RPTOR: variants seen among roughly 807,000 people sequenced by gnomAD.
RPTOR encodes regulatory associated protein of MTOR complex 1, also known as regulatory-associated protein of mTOR.
In RPTOR, 21 loss-of-function variants were observed where a neutral mutation model predicts 169.9. That is an observed-to-expected ratio of 0.12 (90% CI 0.09 to 0.18). RPTOR has a LOEUF of 0.18. Ranked by LOEUF, RPTOR falls within the 10% of genes least tolerant of loss-of-function variation. The probability of loss-of-function intolerance (pLI) is 1.00; values close to 1 mark genes in which losing one functional copy is unlikely to be tolerated. For missense variants in RPTOR, 1,133 were observed against 1,855.9 expected, an observed-to-expected ratio of 0.61 and a Z score of 7.16; for synonymous variants, 732 against 753.2, an observed-to-expected ratio of 0.97 and a Z score of 0.46.
intron 1 of RPTOR, among the ~76,000 whole-genome samples, chr17:80,571,952 G>T (rs776790978): frequency 6.6e-6 from 1 of 152,208 alleles, no homozygotes; most frequent in South Asian, 2.1e-4. Context: ...TAGGTATGCT[G>T]TAGGGATAGA....
intron 4 of RPTOR, among the ~76,000 whole-genome samples, chr17:80,718,301 C>T (rs1598252767): frequency 6.6e-6 from 1 of 152,190 alleles, no homozygotes; most frequent in Non-Finnish European, 1.5e-5. Context: ...AACCCCTACC[C>T]TCTGCCAAAA....
intron 2 of RPTOR, among the ~76,000 whole-genome samples, chr17:80,632,416 T>C (rs775724345): frequency 4.6e-5 from 7 of 152,220 alleles, no homozygotes; most frequent in Non-Finnish European, 1.0e-4. Flanking sequence ...CCTGAGCTTT[T>C]ATCAGAGCTC....
intron 7 of RPTOR, among the ~76,000 whole-genome samples, chr17:80,816,981 C>T (rs1346683549): frequency 2.0e-5 from 3 of 152,190 alleles, no homozygotes; most frequent in East Asian, 1.9e-4. Context: ...GAAGACACAC[C>T]CTCATAGAGC....
rs149083794 is a variant in RPTOR, at chr17:80,874,417, C to T, written c.1510-5998C>T. On this transcript the variant is annotated intron_variant, in intron 13 of 33. Coordinates refer to ENST00000306801, the MANE Select transcript of RPTOR (RefSeq NM_020761.3). ...TCACCGTGTTAGCCAGGATGGTCTCCGTCTCTTAACCTCATGATCCACCCG... is the reference window on the plus strand; with the variant it reads ...TCACCGTGTTAGCCAGGATGGTCTCTGTCTCTTAACCTCATGATCCACCCG... Among the ~76,000 whole-genome samples, 385 of 152,154 alleles carry T rather than the reference C, an allele frequency of 2.5e-3. 1 individual carries two copies. Among genetic ancestry groups the T allele is most frequent in the African/African-American group, 8.9e-3 (368 of 41,484 alleles).
chr17:80,719,694 C>G (rs1042069598), intron 4 of RPTOR, among the ~76,000 whole-genome samples: 1 of 152,148 alleles, frequency 6.6e-6, no homozygotes, highest in Non-Finnish European at 1.5e-5. Flanking sequence ...CATCCAGAAG[C>G]AGGGGGTCGT....
At position 80,852,002 on chromosome 17, in the gene RPTOR, C is replaced by G. The variant is rs571867683; in HGVS notation, c.1315-3462C>G. Among the ~76,000 whole-genome samples, 19 of 152,308 alleles carry G rather than the reference C, an allele frequency of 1.2e-4. No individual in the cohort carries two copies. In the South Asian group the frequency reaches 2.7e-3, roughly 22 times the overall value. Reference sequence around the variant, plus strand: ...ACGATTGCAGCCATGGCGAGACCTGCCTCCTCTCCTCTCCCTGGGTCATCT... The same window carrying G: ...ACGATTGCAGCCATGGCGAGACCTGGCTCCTCTCCTCTCCCTGGGTCATCT... On this transcript the variant is annotated intron_variant, in intron 11 of 33. Transcript: ENST00000306801.
At chr17:80,793,522 G>A (rs763223582) in intron 7 of RPTOR, among the ~76,000 whole-genome samples, 1 of 152,008 alleles carries the variant, frequency 6.6e-6, no homozygotes, top group Non-Finnish European at 1.5e-5. Context: ...TTTCTCCTCC[G>A]CCTGGTAGCA....
intron 6 of RPTOR, among the ~76,000 whole-genome samples, chr17:80,767,721 A>C (rs2066801805): frequency 1.3e-5 from 2 of 152,208 alleles, no homozygotes; most frequent in Admixed American, 1.3e-4. Flanking sequence ...TGTAATTAGT[A>C]ATGGTAAAAG....
At chr17:80,954,543 G>A (rs745973514) in intron 28 of RPTOR, among the ~76,000 whole-genome samples, 1 of 152,254 alleles carries the variant, frequency 6.6e-6, no homozygotes, top group Non-Finnish European at 1.5e-5. Context: ...GGGATCACAG[G>A]TGTAAACACA....
intron 1 of RPTOR, among the ~76,000 whole-genome samples, chr17:80,587,572 A>C (rs1018805826): frequency 9.2e-5 from 14 of 151,600 alleles, no homozygotes; most frequent in African/African-American, 3.4e-4. Flanking sequence ...GCTGCACCAC[A>C]CTCCGGCCCA....
chr17:80,835,690 T>C (rs2067555764), intron 9 of RPTOR, among the ~76,000 whole-genome samples: 1 of 152,228 alleles, frequency 6.6e-6, no homozygotes. Flanking sequence ...CGCTTCAGGC[T>C]GTGTGTGTAA....
At chr17:80,572,235 C>G (rs543121250) in intron 1 of RPTOR, among the ~76,000 whole-genome samples, 2 of 152,118 alleles carry the variant, frequency 1.3e-5, no homozygotes, top group Non-Finnish European at 2.9e-5. Context: ...GTAGCCAGGA[C>G]TACAGGCAGG....
chr17:80,947,227 C>G lies in RPTOR; in HGVS notation c.3141C>G (p.Cys1047Trp). 1 of 1,590,444 alleles carries G rather than the reference C, an allele frequency of 6.3e-7. No homozygotes were observed. The highest frequency in any genetic ancestry group is 8.5e-7 in the Non-Finnish European group (1 of 1,171,520). The change falls in exon 27 of 34, where the codon TGC (cysteine) becomes TGG (tryptophan). Residue 1047 changes from cysteine to tryptophan, a missense_variant and splice_region_variant. By Grantham distance (215) the Cys-to-Trp change is radical. Around this residue, in one of 9 missense-constraint regions of RPTOR, gnomAD observed 410 missense variants for 623.7 expected, o/e 0.66. Coordinates refer to ENST00000306801, the MANE Select transcript of RPTOR (RefSeq NM_020761.3). The surrounding 1 kb of genome is among the most constrained non-coding windows in gnomAD (Gnocchi z 4.4). ...TTTATTCCTCTCTTCTTCCCTTAAGCTTTTGGGACTGGGAGAAAGGGGAGA... is the reference window on the plus strand; with the variant it reads ...TTTATTCCTCTCTTCTTCCCTTAAGGTTTTGGGACTGGGAGAAAGGGGAGA... ...CIAVADKDSI[C>W]FWDWEKGEKL...
chr17:80,575,342 T>C (rs1250152040), intron 1 of RPTOR, among the ~76,000 whole-genome samples: 3 of 152,246 alleles, frequency 2.0e-5, no homozygotes, highest in South Asian at 4.1e-4. Flanking sequence ...TAAATTTTAT[T>C]TTGACTTGAT....
intron 25 of RPTOR, among the ~76,000 whole-genome samples, chr17:80,943,685 G>C (rs535929638): frequency 2.6e-5 from 4 of 151,938 alleles, no homozygotes; most frequent in Non-Finnish European, 1.5e-5. Flanking sequence ...GAAGACTGGA[G>C]GCGGGCAACG....
At chr17:80,641,770 C>T (rs1034823903) in intron 2 of RPTOR, among the ~76,000 whole-genome samples, 4 of 152,132 alleles carry the variant, frequency 2.6e-5, no homozygotes, top group Non-Finnish European at 4.4e-5. Context: ...AATTGGCTGA[C>T]GGAGGGTCCT....
intron 1 of RPTOR, among the ~76,000 whole-genome samples, chr17:80,549,364 C>T (rs901254768): frequency 6.6e-6 from 1 of 152,028 alleles, no homozygotes; most frequent in African/African-American, 2.4e-5. Context: ...ATATATCTCC[C>T]CTATTTGTGT....
At chr17:80,668,706 T>TGAGTATAGGTG (rs2065799483) in intron 3 of RPTOR, among the ~76,000 whole-genome samples, 2 of 152,326 alleles carry the variant, frequency 1.3e-5, no homozygotes, top group South Asian at 4.1e-4. Flanking sequence ...TACCTGGCAG[T>TGAGTATAGGTG]CATTATTCCT....
intron 1 of RPTOR, among the ~76,000 whole-genome samples, chr17:80,603,201 T>C (rs1401899288): frequency 1.3e-5 from 2 of 152,222 alleles, no homozygotes; most frequent in South Asian, 2.1e-4. Flanking sequence ...CTTCGTTGAG[T>C]AAAATTGGAA....
Sources: allele counts gnomAD v4.1 joint callset (sites outside exome capture counted in the v4.1 genomes callset), GRCh38; gene constraint gnomAD v4.1.1; regional missense constraint gnomAD v4.1.1; non-coding constraint Gnocchi (gnomAD v3.1); transcripts MANE v1.5; gene names NCBI Gene and HGNC (gene_info 2026-07-23, HGNC 2026-07-21).